L2HGDH: variants seen among roughly 807,000 people sequenced by gnomAD.
L2HGDH encodes L-2-hydroxyglutarate dehydrogenase, mitochondrial.
A neutral mutation model predicts 51.5 loss-of-function variants in L2HGDH; 34 were observed. The observed-to-expected ratio is 0.66, with a 90% confidence interval of 0.50 to 0.88. The LOEUF (loss-of-function observed/expected upper bound fraction) is 0.88, where lower values mean the gene tolerates loss of function less well. Ranked by LOEUF, L2HGDH falls within the 40% of genes least tolerant of loss-of-function variation. The pLI is 0.00. For synonymous variants in L2HGDH, 198 were observed against 197.9 expected, an observed-to-expected ratio of 1.00 and a Z score of -0.01; for missense variants, 558 against 571.9, an observed-to-expected ratio of 0.98 and a Z score of 0.25.
chr14:50,295,555 T>C (rs2029982020), intron 3 of L2HGDH, among the ~76,000 whole-genome samples: 1 of 148,320 alleles, frequency 6.7e-6, no homozygotes, highest in Non-Finnish European at 1.5e-5. Flanking sequence ...TACAGGCATG[T>C]GCACCACACT....
chr14:50,283,542 G>A (rs1316528167), intron 5 of L2HGDH, among the ~76,000 whole-genome samples: 2 of 151,968 alleles, frequency 1.3e-5, no homozygotes, highest in South Asian at 4.1e-4. Flanking sequence ...AGTATCCAAG[G>A]AGGATTGGTT....
chr14:50,306,301 A>G (rs2030723135), intron 1 of L2HGDH, among the ~76,000 whole-genome samples: 1 of 152,088 alleles, frequency 6.6e-6, no homozygotes, highest in African/African-American at 2.4e-5. Context: ...CGCCCACCTC[A>G]GCCTCCCAAA....
At position 50,284,430 on chromosome 14, in the gene L2HGDH, G is replaced by A. The variant is rs114101743; in HGVS notation, c.541-397C>T. Among the ~76,000 whole-genome samples the A allele has an allele frequency of 4.0e-3, 609 of 152,248 alleles. 5 individuals carry two copies. Among genetic ancestry groups the A allele is most frequent in the African/African-American group, 0.014 (586 of 41,544 alleles). On this transcript the variant is annotated intron_variant, in intron 4 of 9. Transcript: ENST00000267436. The stretch of plus-strand genomic sequence containing the variant: ...TACAAATATGGAATGGAGATTTTAT[G>A]TGGTTAACTCAAACTTTTTCTTCAG...
chr14:50,272,993 G>A (rs1004569387), intron 6 of L2HGDH, among the ~76,000 whole-genome samples: 1 of 152,132 alleles, frequency 6.6e-6, no homozygotes, highest in Non-Finnish European at 1.5e-5. Context: ...AAGGACTGTG[G>A]TGCAGAAAAT....
Position 50,294,058 on chromosome 14 carries a change from G to C in L2HGDH, c.540+57C>G, listed in dbSNP as rs574104332. ...CCTGCCTCCTATACACTCACCCTCA[G>C]CCTCCATGTCTCAGGACTAAGCCCT... On this transcript the variant is annotated intron_variant, in intron 4 of 9. Transcript: ENST00000267436. 3.1e-6 allele frequency: 5 copies of C among 1,587,860 alleles called. No homozygotes were observed. In the African/African-American group the frequency reaches 4.0e-5, roughly 13 times the overall value.
chr14:50,242,499 T>A lies in L2HGDH; in HGVS notation c.*4559A>T, dbSNP rs1395419735. The A allele has an allele frequency of 5.1e-6, 5 of 981,172 alleles. No individual in the cohort carries two copies. In the African/African-American group the frequency reaches 7.0e-5, roughly 14 times the overall value. The allele number at this position is 981,172 out of a possible 1,614,324, so 60.8% of individuals were successfully genotyped here. ...CAGAAAATACAAGCAATTAACAACA[T>A]CAACAACAACAACAAACCCACAATA... On this transcript the variant is annotated 3_prime_UTR_variant, in exon 10 of 10. Transcript: ENST00000267436.
At chr14:50,268,095 C>G (rs1889448077) in intron 7 of L2HGDH, among the ~76,000 whole-genome samples, 185 bp from the exon 8 acceptor site, 1 of 152,178 alleles carries the variant, frequency 6.6e-6, no homozygotes, top group Non-Finnish European at 1.5e-5. Context: ...AACCCTGATG[C>G]TGGCTGGGTG....
chr14:50,308,101 C>A (rs555216849), intron 1 of L2HGDH, among the ~76,000 whole-genome samples: 1 of 152,098 alleles, frequency 6.6e-6, no homozygotes, highest in Non-Finnish European at 1.5e-5. Flanking sequence ...CCATTTAGAA[C>A]GTAGGCAGGC....
intron 4 of L2HGDH, among the ~76,000 whole-genome samples, chr14:50,286,355 T>TA (rs149572581): frequency 0.01 from 1,531 of 151,144 alleles, 22 homozygotes; most frequent in African/African-American, 0.035. Flanking sequence ...AGAAGTACTT[T>TA]AAAAAAAAAT....
At chr14:50,283,544 G>A (rs1359537456) in intron 5 of L2HGDH, among the ~76,000 whole-genome samples, 2 of 152,026 alleles carry the variant, frequency 1.3e-5, no homozygotes, top group East Asian at 3.9e-4. Flanking sequence ...TATCCAAGGA[G>A]GATTGGTTCC....
chr14:50,307,117 C>G (rs1159374084), intron 1 of L2HGDH, among the ~76,000 whole-genome samples: 2 of 152,126 alleles, frequency 1.3e-5, no homozygotes, highest in Non-Finnish European at 2.9e-5. Context: ...CGCCTGGCCC[C>G]TTGCTGCCTT....
intron 4 of L2HGDH, among the ~76,000 whole-genome samples, chr14:50,291,957 T>C (rs1890907655): frequency 6.6e-6 from 1 of 152,220 alleles, no homozygotes; most frequent in Non-Finnish European, 1.5e-5. Flanking sequence ...TACACGAATT[T>C]AACTAGAAAG....
chr14:50,301,713 T>C (rs775717997), intron 3 of L2HGDH, among the ~76,000 whole-genome samples: 1 of 152,128 alleles, frequency 6.6e-6, no homozygotes, highest in Non-Finnish European at 1.5e-5. Context: ...GGTGTCTTTT[T>C]GGGGTGATGA....
chr14:50,270,170 C>A (rs1595091654), intron 6 of L2HGDH, among the ~76,000 whole-genome samples: 1 of 152,204 alleles, frequency 6.6e-6, no homozygotes, highest in Admixed American at 6.5e-5. Flanking sequence ...GCACACACTA[C>A]GTTCAACGTT....
At chr14:50,266,749 C>T (rs1414598569) in intron 8 of L2HGDH, among the ~76,000 whole-genome samples, 1 of 152,128 alleles carries the variant, frequency 6.6e-6, no homozygotes, top group African/African-American at 2.4e-5. Flanking sequence ...GTTTCAGAAT[C>T]CATAGAGGGT....
chr14:50,278,367 A>C (rs1287595581), intron 6 of L2HGDH, among the ~76,000 whole-genome samples, 153 bp downstream of exon 6: 1 of 151,838 alleles, frequency 6.6e-6, no homozygotes, highest in Non-Finnish European at 1.5e-5. Flanking sequence ...TCCTTAGAAT[A>C]AAAGCTGTTA....
chr14:50,269,624 T>C lies in L2HGDH; in HGVS notation c.739-294A>G, dbSNP rs8015621. ...ACATGCATGCACACAAATACATACA[T>C]ACAAATACATACAAATCTGTTTATT... On this transcript the variant is annotated intron_variant, in intron 6 of 9. Coordinates refer to ENST00000267436, the MANE Select transcript of L2HGDH (RefSeq NM_024884.3). 2.0e-5 allele frequency among the ~76,000 whole-genome samples: 3 copies of C among 152,252 alleles called. No individual in the cohort carries two copies. The East Asian group carries it at 5.8e-4, about 29-fold the overall frequency.
At chr14:50,295,247 T>C (rs1641833217) in intron 3 of L2HGDH, among the ~76,000 whole-genome samples, 2 of 152,178 alleles carry the variant, frequency 1.3e-5, no homozygotes. Flanking sequence ...CAGGGGCTCA[T>C]GTCTATAATC....
chr14:50,254,428 C>G (rs73275111), intron 9 of L2HGDH, among the ~76,000 whole-genome samples: 1 of 151,956 alleles, frequency 6.6e-6, no homozygotes, highest in Non-Finnish European at 1.5e-5. Flanking sequence ...GGGGTAGAGA[C>G]GCATATGTTT....
Sources: gnomAD v4.1 joint callset for allele counts (sites outside exome capture counted in the v4.1 genomes callset) on GRCh38, gnomAD v4.1.1 for gene constraint, MANE v1.5 for transcripts, NCBI Gene and HGNC (gene_info 2026-07-23, HGNC 2026-07-21) for gene names.